Variants in VWA3B observed in about 807,000 individuals in gnomAD.
The protein encoded by VWA3B is von Willebrand factor A domain-containing protein 3B.
A neutral mutation model predicts 158.3 loss-of-function variants in VWA3B; 138 were observed. The observed-to-expected ratio is 0.87, with a 90% CI of 0.76 to 1.00. VWA3B has a LOEUF of 1.00. Ranked by LOEUF, VWA3B falls within the 50% of genes least tolerant of loss-of-function variation. VWA3B has a pLI of 0.00. For missense variants in VWA3B, 1,555 were observed against 1,565.1 expected (o/e 0.99, Z 0.11); for synonymous variants, 596 against 587.3 (o/e 1.01, Z -0.21).
chr2:98,208,785 C>T (rs188292447), intron 12 of VWA3B, among the ~76,000 whole-genome samples: 3 of 152,288 alleles, frequency 2.0e-5, no homozygotes, highest in Non-Finnish European at 4.4e-5. Flanking sequence ...CTAAAGAAAT[C>T]CATGGTGTTA....
At chr2:98,273,858 G>A (rs1688360119) in intron 22 of VWA3B, among the ~76,000 whole-genome samples, 1 of 152,176 alleles carries the variant, frequency 6.6e-6, no homozygotes, top group African/African-American at 2.4e-5. Flanking sequence ...AATAGGAAGT[G>A]TTGCGAATGG....
chr2:98,228,394 C>T (rs1005773044), intron 15 of VWA3B, 62 bp downstream of exon 15: 23 of 1,526,518 alleles, frequency 1.5e-5, no homozygotes, highest in Non-Finnish European at 3.5e-6. Context: ...GGCTTGCCCC[C>T]TGGGCCCTTG....
At chr2:98,242,459 T>A (rs1170190417) in intron 19 of VWA3B, among the ~76,000 whole-genome samples, 1 of 152,088 alleles carries the variant, frequency 6.6e-6, no homozygotes, top group Non-Finnish European at 1.5e-5. Flanking sequence ...TAAAGCTCTT[T>A]ATTTGCTGGT....
chr2:98,129,224 A>AGAGAGTGTGTGTGTGTGTGTGTGT (rs1370543551), intron 6 of VWA3B, among the ~76,000 whole-genome samples: 2 of 124,656 alleles, frequency 1.6e-5, no homozygotes, highest in African/African-American at 6.5e-5. Context: ...AGAGAGAGAG[A>AGAGAGTGTGTGTGTGTGTGTGTGT]GTGTGTGTGT....
chr2:98,200,542 C>CAA (rs35030422), intron 12 of VWA3B, among the ~76,000 whole-genome samples: 11 of 93,726 alleles, frequency 1.2e-4, no homozygotes, highest in South Asian at 8.7e-4. Flanking sequence ...GACTCCATCT[C>CAA]AAAAAAAAAA....
intron 21 of VWA3B, among the ~76,000 whole-genome samples, chr2:98,258,852 T>A (rs1687312739): frequency 6.6e-6 from 1 of 151,816 alleles, no homozygotes; most frequent in Non-Finnish European, 1.5e-5. Context: ...ATCTAGCTAG[T>A]ACTTCCAGAA....
intron 19 of VWA3B, among the ~76,000 whole-genome samples, chr2:98,248,471 TC>T (rs1326644196): frequency 6.6e-6 from 1 of 152,162 alleles, no homozygotes; most frequent in Non-Finnish European, 1.5e-5. Flanking sequence ...TAGCTCTTGT[TC>T]CATGGTGATG....
chr2:98,276,804 C>A (rs1233410471), intron 22 of VWA3B, among the ~76,000 whole-genome samples: 1 of 152,218 alleles, frequency 6.6e-6, no homozygotes, highest in Non-Finnish European at 1.5e-5. Context: ...TGCATCTGGC[C>A]TGCTCCAGGG....
chr2:98,261,555 A>T (rs1687479452), intron 21 of VWA3B, among the ~76,000 whole-genome samples: 1 of 151,746 alleles, frequency 6.6e-6, no homozygotes, highest in Non-Finnish European at 1.5e-5. Flanking sequence ...CTTGAACATG[A>T]AGAGCTCTTT....
At chr2:98,154,205 C>G (rs1029915502) in intron 7 of VWA3B, among the ~76,000 whole-genome samples, 19 of 152,196 alleles carry the variant, frequency 1.2e-4, no homozygotes, top group Non-Finnish European at 2.4e-4. Context: ...GGTTAGTTAA[C>G]AAGCATTTAT....
chr2:98,147,082 G>A (rs1481920411), intron 7 of VWA3B, among the ~76,000 whole-genome samples: 1 of 152,182 alleles, frequency 6.6e-6, no homozygotes, highest in African/African-American at 2.4e-5. Flanking sequence ...TTGAAAGCAT[G>A]ATATACAATT....
chr2:98,325,034 G>A, the VWA3B span, among the ~76,000 whole-genome samples: 3 of 152,160 alleles, frequency 2.0e-5, no homozygotes, highest in Non-Finnish European at 4.4e-5. Context: ...TAAATAAATA[G>A]GACTTCAGAA....
chr2:98,286,325 G>A (rs924889538), intron 22 of VWA3B, among the ~76,000 whole-genome samples: 1 of 152,120 alleles, frequency 6.6e-6, no homozygotes, highest in African/African-American at 2.4e-5. Context: ...AGTGGTGAGA[G>A]TGCCTTACTT....
intron 20 of VWA3B, among the ~76,000 whole-genome samples, chr2:98,255,182 A>T (rs868620825): frequency 0.082 from 4,255 of 52,028 alleles, 335 homozygotes; most frequent in African/African-American, 0.26. Flanking sequence ...CCCGGCTGAT[A>T]TTTTTTTTTT....
intron 26 of VWA3B, among the ~76,000 whole-genome samples, chr2:98,306,144 C>T (rs1018053854): frequency 6.6e-6 from 1 of 152,172 alleles, no homozygotes; most frequent in Non-Finnish European, 1.5e-5. Flanking sequence ...CTGGGGAACT[C>T]CAAGACTGAG....
At chr2:98,197,641 GA>G (rs1682167686) in intron 12 of VWA3B, among the ~76,000 whole-genome samples, 1 of 152,032 alleles carries the variant, frequency 6.6e-6, no homozygotes, top group Non-Finnish European at 1.5e-5. Context: ...TGGACTCATG[GA>G]AATTTATTTT....
At chr2:98,121,165 G>A in intron 4 of VWA3B, 134 bp from the exon 5 acceptor site, 2 of 1,119,152 alleles carry the variant, frequency 1.8e-6, no homozygotes. Context: ...AGAGGGCTGG[G>A]AGCTATGATT....
intron 10 of VWA3B, among the ~76,000 whole-genome samples, chr2:98,192,589 G>T (rs1230104345): frequency 6.6e-6 from 1 of 152,176 alleles, no homozygotes; most frequent in African/African-American, 2.4e-5. Context: ...TGTATGTGTA[G>T]GTCACAGGGG....
At chr2:98,245,223 A>G (rs1686316168) in intron 19 of VWA3B, among the ~76,000 whole-genome samples, 1 of 152,010 alleles carries the variant, frequency 6.6e-6, no homozygotes. Flanking sequence ...CAAGGTGCCA[A>G]GACCAGGTGG....
Sources: allele counts gnomAD v4.1 joint callset (sites outside exome capture counted in the v4.1 genomes callset), GRCh38; gene constraint gnomAD v4.1.1; transcripts MANE v1.5; gene names NCBI Gene and HGNC (gene_info 2026-07-23, HGNC 2026-07-21).